RGS8: variants seen among roughly 807,000 people sequenced by gnomAD.
RGS8 encodes regulator of G-protein signaling 8.
Under a neutral mutation model 21.7 loss-of-function variants are expected in RGS8, and 8 were observed. The ratio of observed to expected loss-of-function variants is 0.37; its 90% confidence interval spans 0.22 to 0.66. The LOEUF is 0.66. RGS8 is among the 30% of genes least tolerant of loss of function. RGS8 has a pLI of 0.59. For synonymous variants in RGS8, 80 were observed against 83.6 expected (o/e 0.96, Z 0.24); for missense variants, 157 against 217.9 (o/e 0.72, Z 1.76).
the RGS8 span, among the ~76,000 whole-genome samples, chr1:182,742,896 C>T: frequency 1.3e-5 from 2 of 152,280 alleles, no homozygotes; most frequent in South Asian, 2.1e-4. Context: ...CAAACTGTAA[C>T]AATCAGGGGA....
chr1:182,748,942 T>A, the RGS8 span, among the ~76,000 whole-genome samples: 20 of 152,162 alleles, frequency 1.3e-4, no homozygotes, highest in East Asian at 5.8e-4. Flanking sequence ...CTATTTTTTT[T>A]ATCAGGTTAT....
At chr1:182,712,037 T>C in the RGS8 span, among the ~76,000 whole-genome samples, 1 of 152,186 alleles carries the variant, frequency 6.6e-6, no homozygotes, top group Admixed American at 6.5e-5. Flanking sequence ...AAGTAACTTA[T>C]TTACTCCCCT....
chr1:182,672,766 T>C (rs201343429), upstream of RGS8: 16 of 1,606,938 alleles, frequency 1.0e-5, no homozygotes, highest in Non-Finnish European at 1.3e-5. Context: ...GATCTGCACA[T>C]GATCCCTATT....
rs1664428828 is a variant in RGS8, at chr1:182,678,112, T to C, written n.222-5180A>G. ...GTTATTTTTTAGTGCAATTTTGATA[T>C]TGAGGCTTTTTTAAGAGACCTTATC... On this transcript the variant is annotated intron_variant and non_coding_transcript_variant, in intron 1 of 4. Transcript: ENST00000515211. Among the ~76,000 whole-genome samples the C allele has an allele frequency of 3.3e-5, 5 of 152,358 alleles. No individual in the cohort carries two copies. In the South Asian group the frequency reaches 1.0e-3, roughly 32 times the overall value.
chr1:182,669,267 T>C (rs1218409217), intron 3 of RGS8, among the ~76,000 whole-genome samples: 1 of 152,174 alleles, frequency 6.6e-6, no homozygotes, highest in Non-Finnish European at 1.5e-5. Flanking sequence ...ATAACGAGGC[T>C]TTCCCTCATC....
intron 5 of RGS8, among the ~76,000 whole-genome samples, chr1:182,651,418 T>C (rs1407665675): frequency 6.6e-6 from 1 of 152,252 alleles, no homozygotes; most frequent in Non-Finnish European, 1.5e-5. Flanking sequence ...AGCACTTTAT[T>C]ATAAAACAGA....
chr1:182,678,689 T>C (rs1162874688), intron 1 of RGS8, among the ~76,000 whole-genome samples: 2 of 152,214 alleles, frequency 1.3e-5, no homozygotes, highest in African/African-American at 4.8e-5. Flanking sequence ...AGAGAAATGA[T>C]GGCCTGTTTG....
intron 5 of RGS8, among the ~76,000 whole-genome samples, chr1:182,661,543 G>A (rs1365135709): frequency 6.6e-6 from 1 of 151,946 alleles, no homozygotes; most frequent in Non-Finnish European, 1.5e-5. Context: ...AGGGAAGGAA[G>A]GGAGGGAGGA....
At chr1:182,741,166 G>A in the RGS8 span, among the ~76,000 whole-genome samples, 1 of 145,922 alleles carries the variant, frequency 6.9e-6, no homozygotes, top group African/African-American at 2.5e-5. Context: ...CGGACGGGGC[G>A]GCTGGCCGGG....
At chr1:182,707,534 T>C in the RGS8 span, among the ~76,000 whole-genome samples, 1 of 152,194 alleles carries the variant, frequency 6.6e-6, no homozygotes, top group African/African-American at 2.4e-5. Flanking sequence ...TCACCGCCAC[T>C]AGAAGAATCA....
chr1:182,684,985 A>G (rs1397776315), upstream of RGS8, among the ~76,000 whole-genome samples: 1 of 152,162 alleles, frequency 6.6e-6, no homozygotes, highest in East Asian at 1.9e-4. The surrounding 1 kb of genome is among the most constrained non-coding windows in gnomAD (Gnocchi z 4.2). Context: ...GCCTGGCTTC[A>G]AGGTTGTCGC....
intron 5 of RGS8, among the ~76,000 whole-genome samples, chr1:182,649,905 C>CTTT (rs920729497): frequency 0.059 from 7,588 of 128,360 alleles, 549 homozygotes; most frequent in African/African-American, 0.16. Flanking sequence ...GTTAACAACT[C>CTTT]TTTTTTTTTT....
the RGS8 span, among the ~76,000 whole-genome samples, chr1:182,742,314 G>A: frequency 6.6e-6 from 1 of 151,572 alleles, no homozygotes. Context: ...AGGCGGAGAC[G>A]CTCCTCACTT....
exon 3 of RGS8, chr1:182,669,627 C>A: frequency 3.1e-6 from 5 of 1,614,184 alleles, no homozygotes; most frequent in Non-Finnish European, 2.5e-6. Flanking sequence ...TCATTACCTG[C>A]GTGGCATCAG....
At chr1:182,669,307 A>C (rs1403016762) in intron 3 of RGS8, among the ~76,000 whole-genome samples, 1 of 152,134 alleles carries the variant, frequency 6.6e-6, no homozygotes, top group Non-Finnish European at 1.5e-5. Flanking sequence ...CATCCCAGTA[A>C]CTCACAGAGA....
chr1:182,728,325 A>C, the RGS8 span, among the ~76,000 whole-genome samples: 1 of 152,226 alleles, frequency 6.6e-6, no homozygotes, highest in African/African-American at 2.4e-5. Flanking sequence ...GATACCAAAA[A>C]ATGCTCCTGA....
chr1:182,671,604 C>A (rs1040961574), intron 2 of RGS8, 53 bp downstream of exon 3: 1 of 1,475,608 alleles, frequency 6.8e-7, no homozygotes, highest in Non-Finnish European at 9.5e-7. Flanking sequence ...ATAATGCAAT[C>A]GGTGCACACA....
chr1:182,654,761 G>A (rs1663185647), intron 5 of RGS8, among the ~76,000 whole-genome samples: 2 of 152,132 alleles, frequency 1.3e-5, no homozygotes, highest in African/African-American at 4.8e-5. Flanking sequence ...GATTCCTGGA[G>A]GAGTTACAAT....
At chr1:182,690,394 T>C in the RGS8 span, among the ~76,000 whole-genome samples, 1 of 152,256 alleles carries the variant, frequency 6.6e-6, no homozygotes, top group Admixed American at 6.5e-5. Flanking sequence ...TCTGCTATCC[T>C]CACCTTATCC....
Sources: allele counts gnomAD v4.1 joint callset (sites outside exome capture counted in the v4.1 genomes callset), GRCh38; gene constraint gnomAD v4.1.1; non-coding constraint Gnocchi (gnomAD v3.1); transcripts MANE v1.5; gene names NCBI Gene and HGNC (gene_info 2026-07-23, HGNC 2026-07-21).